Variants in LRRC4C observed in about 807,000 individuals in gnomAD.
LRRC4C encodes leucine rich repeat containing 4C, also known as leucine-rich repeat-containing protein 4C.
In LRRC4C, 5 loss-of-function variants were observed where a neutral mutation model predicts 33.6. The observed-to-expected ratio is 0.15, with a 90% CI of 0.08 to 0.31. The LOEUF is 0.31. Ranked by LOEUF, LRRC4C falls within the 10% of genes least tolerant of loss-of-function variation. The pLI is 1.00. For missense variants in LRRC4C, 560 were observed against 796.7 expected, an observed-to-expected ratio of 0.70 and a Z score of 3.58; for synonymous variants, 329 against 302.0, an observed-to-expected ratio of 1.09 and a Z score of -0.93.
intron 3 of LRRC4C, among the ~76,000 whole-genome samples, chr11:40,458,758 T>C (rs957177873): frequency 6.6e-6 from 1 of 152,158 alleles, no homozygotes; most frequent in Non-Finnish European, 1.5e-5. Flanking sequence ...AATCCAAAAA[T>C]CTCATAGGAT....
chr11:40,184,328 C>A (rs959614600), intron 5 of LRRC4C, among the ~76,000 whole-genome samples: 6 of 152,076 alleles, frequency 3.9e-5, no homozygotes, highest in Non-Finnish European at 7.4e-5. Flanking sequence ...ATTGAGATTT[C>A]AAATAAGTCT....
intron 6 of LRRC4C, among the ~76,000 whole-genome samples, chr11:40,138,639 C>A (rs1337803695): frequency 6.6e-6 from 1 of 152,196 alleles, no homozygotes; most frequent in Non-Finnish European, 1.5e-5. Context: ...CTTCCACATG[C>A]TATCTGGCAG....
chr11:41,300,299 C>G (rs1950251304), intron 1 of LRRC4C, among the ~76,000 whole-genome samples: 1 of 152,176 alleles, frequency 6.6e-6, no homozygotes, highest in Non-Finnish European at 1.5e-5. Flanking sequence ...CCAAGGCTTA[C>G]CACACTGGAA....
chr11:41,242,450 TGA>T (rs1948291061), intron 1 of LRRC4C, among the ~76,000 whole-genome samples: 1 of 152,114 alleles, frequency 6.6e-6, no homozygotes, highest in African/African-American at 2.4e-5. Context: ...TGGAGGATTA[TGA>T]GAGATGGATG....
At chr11:41,256,230 C>T (rs2136684752) in intron 1 of LRRC4C, among the ~76,000 whole-genome samples, 1 of 152,032 alleles carries the variant, frequency 6.6e-6, no homozygotes, top group South Asian at 2.1e-4. Flanking sequence ...CGGGTGATAA[C>T]ATAACCAAGT....
intron 5 of LRRC4C, among the ~76,000 whole-genome samples, chr11:40,183,825 G>A (rs1385447171): frequency 1.3e-5 from 2 of 152,186 alleles, no homozygotes; most frequent in African/African-American, 4.8e-5. Context: ...TAGATCTTAG[G>A]CCTTGTGGTT....
intron 1 of LRRC4C, among the ~76,000 whole-genome samples, chr11:40,958,745 T>A (rs963411564): frequency 2.0e-5 from 3 of 151,828 alleles, no homozygotes; most frequent in African/African-American, 7.2e-5. Context: ...ATTCTTGAAA[T>A]CTCAAATCTT....
chr11:40,352,160 T>C (rs938237339), intron 3 of LRRC4C, among the ~76,000 whole-genome samples: 3 of 129,186 alleles, frequency 2.3e-5, no homozygotes, highest in Non-Finnish European at 5.0e-5. Flanking sequence ...CCTTCCTTCC[T>C]TCCTTCCCTT....
chr11:41,098,384 C>T (rs1940953274), intron 1 of LRRC4C, among the ~76,000 whole-genome samples: 1 of 152,110 alleles, frequency 6.6e-6, no homozygotes, highest in South Asian at 2.1e-4. Flanking sequence ...CTAAAATTAT[C>T]TGATGTCTCT....
intron 5 of LRRC4C, among the ~76,000 whole-genome samples, chr11:40,204,444 C>T (rs1862996444): frequency 6.6e-6 from 1 of 152,016 alleles, no homozygotes; most frequent in South Asian, 2.1e-4. Flanking sequence ...CTTTCTCTGC[C>T]CCTTTGACAT....
At chr11:40,643,678 T>G (rs7482514) in intron 3 of LRRC4C, among the ~76,000 whole-genome samples, 86,548 of 151,878 alleles carry the variant, frequency 0.57, 25,431 homozygotes, top group East Asian at 0.71. Flanking sequence ...TAGTTACAAG[T>G]CATTCCTATT....
At chr11:41,266,176 T>C (rs930736015) in intron 1 of LRRC4C, among the ~76,000 whole-genome samples, 2 of 152,128 alleles carry the variant, frequency 1.3e-5, no homozygotes, top group African/African-American at 4.8e-5. Flanking sequence ...AAATAAATGA[T>C]ATAAATAGAC....
At chr11:41,199,481 T>C (rs1246471204) in intron 1 of LRRC4C, among the ~76,000 whole-genome samples, 1 of 152,088 alleles carries the variant, frequency 6.6e-6, no homozygotes, top group African/African-American at 2.4e-5. Context: ...AGCACTTCCA[T>C]GTGCAATACT....
chr11:40,827,388 A>T (rs1009066427), intron 2 of LRRC4C, among the ~76,000 whole-genome samples: 4 of 151,912 alleles, frequency 2.6e-5, no homozygotes, highest in Non-Finnish European at 5.9e-5. Flanking sequence ...ACATTTGTGA[A>T]AATCATACAT....
At chr11:40,949,067 G>A (rs1297831045) in intron 1 of LRRC4C, among the ~76,000 whole-genome samples, 2 of 152,036 alleles carry the variant, frequency 1.3e-5, no homozygotes, top group African/African-American at 2.4e-5. Flanking sequence ...ATTCTAACTG[G>A]TGTGAGATGA....
intron 5 of LRRC4C, among the ~76,000 whole-genome samples, chr11:40,177,120 A>AT (rs1298495169): frequency 2.0e-5 from 3 of 151,532 alleles, no homozygotes; most frequent in Admixed American, 6.6e-5. Flanking sequence ...TGTCCAGCTA[A>AT]TTTTTTGTTT....
At chr11:40,850,156 C>T (rs1316183286) in intron 2 of LRRC4C, among the ~76,000 whole-genome samples, 1 of 151,938 alleles carries the variant, frequency 6.6e-6, no homozygotes, top group Admixed American at 6.6e-5. Context: ...CATTCTCCAT[C>T]CAGTTTTTTT....
At chr11:40,811,931 G>T (rs1281765323) in intron 2 of LRRC4C, among the ~76,000 whole-genome samples, 1 of 152,144 alleles carries the variant, frequency 6.6e-6, no homozygotes, top group East Asian at 1.9e-4. Context: ...ATGCCAAGAA[G>T]ATCAGATATA....
chr11:40,538,995 T>A (rs1956593317), intron 3 of LRRC4C, among the ~76,000 whole-genome samples: 1 of 152,206 alleles, frequency 6.6e-6, no homozygotes, highest in African/African-American at 2.4e-5. Context: ...GGTTGTTTTT[T>A]TCTTGTAAAT....
Sources: allele counts gnomAD v4.1 joint callset (sites outside exome capture counted in the v4.1 genomes callset), GRCh38; gene constraint gnomAD v4.1.1; transcripts MANE v1.5; gene names NCBI Gene and HGNC (gene_info 2026-07-23, HGNC 2026-07-21).